Variants in ETNK2 observed in about 807,000 individuals in gnomAD.
ETNK2 encodes the protein ethanolamine kinase 2.
In ETNK2, 33 loss-of-function variants were observed where a neutral mutation model predicts 46.2. That is an observed-to-expected ratio of 0.71 (90% confidence interval 0.54 to 0.96). The LOEUF (loss-of-function observed/expected upper bound fraction) is 0.96, where lower values mean the gene tolerates loss of function less well. Among genes scored for constraint, ETNK2 ranks in the 40% least tolerant of loss-of-function variants. ETNK2 has a pLI of 0.00. For missense variants in ETNK2, 445 were observed against 509.7 expected (o/e 0.87, Z 1.22); for synonymous variants, 194 against 209.0 (o/e 0.93, Z 0.62).
intron 3 of ETNK2, chr1:204,142,293 A>G (rs1657583356): frequency 6.6e-6 from 1 of 152,242 alleles, no homozygotes. Context: ...CCCCTGCCAT[A>G]TCATGCAAGT....
intron 4 of ETNK2, 22 bp downstream of exon 4, chr1:204,141,293 C>T (rs1018363207): frequency 1.2e-6 from 2 of 1,613,902 alleles, no homozygotes; most frequent in African/African-American, 2.7e-5. Context: ...CTGCTGCTGC[C>T]CCAGGGCCAG....
At position 204,137,027 on chromosome 1, in the gene ETNK2, T is replaced by C. The variant is rs536289602; in HGVS notation, c.1014+77A>G. 5 of 1,566,008 alleles carry C rather than the reference T, an allele frequency of 3.2e-6. No homozygotes were observed. In the South Asian group the frequency reaches 6.0e-5, roughly 19 times the overall value. On this transcript the variant is annotated intron_variant, in intron 6 of 7. Coordinates refer to ENST00000367202, the MANE Select transcript of ETNK2 (RefSeq NM_018208.4). ...CTCTCACCTGACCCTGGGCTCTGGG[T>C]AGGAGGCTAGGTGGGTCACCAGTCC...
intron 7 of ETNK2, among the ~76,000 whole-genome samples, chr1:204,133,983 G>T (rs1233051841): frequency 6.6e-6 from 1 of 152,188 alleles, no homozygotes; most frequent in Non-Finnish European, 1.5e-5. Flanking sequence ...TAGGTACATA[G>T]GAGCCTCACA....
In ETNK2 at chr1:204,134,604, A is replaced by T. The variant is rs774957303; in HGVS notation, c.1015-16T>A. 6.2e-7 allele frequency: 1 copy of T among 1,614,044 alleles called. No individual in the cohort carries two copies. The highest frequency in any genetic ancestry group is 1.1e-5 in the South Asian group (1 of 91,088). On this transcript the variant is annotated splice_polypyrimidine_tract_variant and intron_variant, in intron 6 of 7. Coordinates refer to ENST00000367202, the MANE Select transcript of ETNK2 (RefSeq NM_018208.4). ...AGTGAGACGCCTGGAAACAGACCAG[A>T]GAGGGTCAGCCTGGCAATCTCCCCA...
In ETNK2 at chr1:204,140,122, T is replaced by C. The variant is rs776026060; in HGVS notation, c.785-4A>G. The stretch of plus-strand genomic sequence containing the variant: ...TAGTCAATGAACCGCACGTGACCTA[T>C]GAAGTAGAGGAGAATCGATGAGAGT... On this transcript the variant is annotated splice_region_variant and splice_polypyrimidine_tract_variant and intron_variant, in intron 4 of 7. Transcript: ENST00000367202. 6.2e-6 allele frequency: 10 copies of C among 1,612,936 alleles called. No individual in the cohort carries two copies. The African/African-American group carries it at 1.3e-4, about 22-fold the overall frequency.
chr1:204,132,315 G>T, intron 7 of ETNK2, 59 bp from the exon 8 acceptor site: 1 of 1,391,958 alleles, frequency 7.2e-7, no homozygotes, highest in Non-Finnish European at 1.0e-6. Context: ...GGCCCTGCTG[G>T]GGGTGCTGAC....
Position 204,151,197 on chromosome 1 carries a change from T to A in ETNK2, c.258+398A>T. On this transcript the variant is annotated intron_variant, in intron 1 of 7. Coordinates refer to ENST00000367202, the MANE Select transcript of ETNK2 (RefSeq NM_018208.4). This position sits in a 1 kb window ranked among gnomAD's most constrained non-coding sequence, Gnocchi z 8.0. ...TGGAGAAGGGGCAGCAATGTATGCA[T>A]GTATGGCTGGGTCGGGGGGGCGGGG... is the stretch of plus-strand genomic sequence containing the variant. 2 of 320,592 alleles carry A rather than the reference T, an allele frequency of 6.2e-6. No homozygotes were observed. The highest frequency in any genetic ancestry group is 1.1e-5 in the Non-Finnish European group (2 of 175,468). The allele number at this position is 320,592 out of a possible 1,614,324, so 19.9% of individuals were successfully genotyped here.
At chr1:204,150,386 CTTGT>C in intron 1 of ETNK2, 1 of 231,662 alleles carries the variant, frequency 4.3e-6, no homozygotes, top group Non-Finnish European at 8.6e-6. Context: ...TGCCAATCAC[CTTGT>C]GCCGGGCAGT....
intron 1 of ETNK2, among the ~76,000 whole-genome samples, chr1:204,150,268 G>A (rs1442519769): frequency 6.6e-6 from 1 of 152,150 alleles, no homozygotes; most frequent in Admixed American, 6.5e-5. Flanking sequence ...GGAGGTAGAC[G>A]CCTCCTGCTG....
chr1:204,134,171 T>C lies in ETNK2; in HGVS notation c.1088+344A>G, dbSNP rs545578819. Reference sequence around the variant, plus strand: ...TCTGCTGTAAAATGAGGGTAAGACCTACAGTCGTTCAGACTGATTTTCAAC... The same window carrying C: ...TCTGCTGTAAAATGAGGGTAAGACCCACAGTCGTTCAGACTGATTTTCAAC... On this transcript the variant is annotated intron_variant, in intron 7 of 7. Coordinates refer to ENST00000367202, the MANE Select transcript of ETNK2 (RefSeq NM_018208.4). 2.3e-3 allele frequency among the ~76,000 whole-genome samples: 356 copies of C among 152,360 alleles called. 1 individual carries two copies. Among genetic ancestry groups the C allele is most frequent in the African/African-American group, 8.3e-3 (343 of 41,572 alleles).
intron 7 of ETNK2, among the ~76,000 whole-genome samples, 154 bp downstream of exon 7, chr1:204,134,361 A>T (rs1657198521): frequency 6.6e-6 from 1 of 152,168 alleles, no homozygotes; most frequent in South Asian, 2.1e-4. Flanking sequence ...CCCTGGGGAT[A>T]GTGGCCCCGC....
intron 3 of ETNK2, 135 bp downstream of exon 3, chr1:204,146,507 G>A (rs1657786738): frequency 9.0e-6 from 9 of 999,972 alleles, no homozygotes. Context: ...GGACTGAAGG[G>A]ACTGCAGGAG....
At chr1:204,139,958 GACC>G (rs2102288081) in intron 5 of ETNK2, 74 bp downstream of exon 5, 1 of 1,169,458 alleles carries the variant, frequency 8.6e-7, no homozygotes, top group East Asian at 2.3e-5. Flanking sequence ...AATCTCATAG[GACC>G]ACCATCTACA....
intron 4 of ETNK2, 88 bp from the exon 5 acceptor site, chr1:204,140,206 C>T (rs1657448493): frequency 9.3e-7 from 1 of 1,073,794 alleles, no homozygotes; most frequent in South Asian, 1.3e-5. Context: ...CTGGGATGCA[C>T]CCACTGAGTG....
chr1:204,137,135 C>T lies in ETNK2; in HGVS notation c.983G>A (p.Arg328Lys). Residue 328 changes from arginine to lysine, a missense_variant, in exon 6 of 8, where the codon AGG (arginine) becomes AAG (lysine). Transcript: ENST00000367202. ...GMAVTPREVQ[R>K]LYVQVNKFAL... ...AAACTTGTTGACTTGCACGTAGAGCCTTTGCACCTCCCTGGGGGTCACGGC... is the reference window on the plus strand; with the variant it reads ...AAACTTGTTGACTTGCACGTAGAGCTTTTGCACCTCCCTGGGGGTCACGGC... 6.2e-7 allele frequency: 1 copy of T among 1,613,938 alleles called. No homozygotes were observed. The highest frequency in any genetic ancestry group is 8.5e-7 in the Non-Finnish European group (1 of 1,179,826).
At position 204,149,879 on chromosome 1, in the gene ETNK2, A is replaced by G. The variant is rs1417558546; in HGVS notation, c.342T>C (p.Tyr114=). The part of the protein sequence containing the change: ...DMQDCVLVRV[Y]GERTELLVDR... Reference sequence around the variant, plus strand: ...CCACCAGCAGCTCCGTCCGCTCCCCATACACCCGGACCAGCACGCAGTCCT... The same window carrying G: ...CCACCAGCAGCTCCGTCCGCTCCCCGTACACCCGGACCAGCACGCAGTCCT... The change falls in exon 2 of 8, where the codon TAT becomes TAC. Residue 114 remains tyrosine (Y), a synonymous_variant. Coordinates refer to ENST00000367202, the MANE Select transcript of ETNK2 (RefSeq NM_018208.4). 1.9e-6 allele frequency: 3 copies of G among 1,591,448 alleles called. No individual in the cohort carries two copies. Among genetic ancestry groups the G allele is most frequent in the Non-Finnish European group, 2.6e-6 (3 of 1,169,216 alleles).
At chr1:204,146,928 G>A (rs1475585825) in intron 2 of ETNK2, 164 bp from the exon 3 acceptor site, 3 of 836,790 alleles carry the variant, frequency 3.6e-6, no homozygotes, top group Non-Finnish European at 6.1e-6. Flanking sequence ...TCCTGCAGAA[G>A]GAAGGTCTCA....
At chr1:204,138,323 T>C (rs1657366983) in intron 5 of ETNK2, among the ~76,000 whole-genome samples, 1 of 152,222 alleles carries the variant, frequency 6.6e-6, no homozygotes, top group Non-Finnish European at 1.5e-5. Flanking sequence ...GGCTAGGTTC[T>C]TCCTCCTCCA....
intron 2 of ETNK2, among the ~76,000 whole-genome samples, chr1:204,149,409 G>A (rs916361374): frequency 3.3e-5 from 5 of 152,190 alleles, no homozygotes; most frequent in Non-Finnish European, 5.9e-5. Flanking sequence ...CTTGGAGTGG[G>A]CAGAGGTTTG....
Sources: allele counts gnomAD v4.1 joint callset (sites outside exome capture counted in the v4.1 genomes callset), GRCh38; gene constraint gnomAD v4.1.1; non-coding constraint Gnocchi (gnomAD v3.1); transcripts MANE v1.5; gene names NCBI Gene and HGNC (gene_info 2026-07-23, HGNC 2026-07-21).